Variants in WASF3 observed in about 807,000 individuals in gnomAD.
WASF3 encodes the protein WASP family member 3, also known as actin-binding protein WASF3.
A neutral mutation model predicts 46.6 loss-of-function variants in WASF3; 11 were observed. The ratio of observed to expected loss-of-function variants is 0.24; its 90% CI spans 0.15 to 0.39. The LOEUF (loss-of-function observed/expected upper bound fraction) is 0.39, where lower values mean the gene tolerates loss of function less well. WASF3 is among the 10% of genes least tolerant of loss of function. WASF3 has a pLI of 1.00. For synonymous variants in WASF3, 242 were observed against 259.7 expected (o/e 0.93, Z 0.65); for missense variants, 576 against 669.8 (o/e 0.86, Z 1.55).
At chr13:26,634,617 G>A (rs1019515045) in intron 2 of WASF3, among the ~76,000 whole-genome samples, 2 of 152,172 alleles carry the variant, frequency 1.3e-5, no homozygotes, top group African/African-American at 4.8e-5. Context: ...TTTTGCAGTG[G>A]CTGGTACCGG....
rs906430128 is a variant in WASF3, at chr13:26,635,920, A to G, written c.-10-6341A>G. Among the ~76,000 whole-genome samples, 6 of 152,226 alleles carry G rather than the reference A, an allele frequency of 3.9e-5. 1 individual carries two copies. The East Asian group carries it at 5.8e-4, about 15-fold the overall frequency. On this transcript the variant is annotated intron_variant, in intron 2 of 9. Transcript: ENST00000335327. ...GGGCATCCGCCTGTATGAGGTGTCT[A>G]TCAGCCCCTTCTGGGAGGTGTCTCC... is the stretch of plus-strand genomic sequence containing the variant.
chr13:26,638,463 A>G (rs1184958316), intron 2 of WASF3: 1 of 152,162 alleles, frequency 6.6e-6, no homozygotes, highest in Non-Finnish European at 1.5e-5. Context: ...ATTAGCAATC[A>G]TTGTTTTATT....
intron 7 of WASF3, among the ~76,000 whole-genome samples, chr13:26,680,552 A>G (rs533841170): frequency 4.9e-4 from 74 of 152,150 alleles, no homozygotes; most frequent in Non-Finnish European, 8.2e-4. Flanking sequence ...TGTTAAGTAC[A>G]TTTCTTCTGT....
Position 26,603,689 on chromosome 13 carries a change from T to C in WASF3, c.-108-9272T>C, listed in dbSNP as rs554466601. On this transcript the variant is annotated intron_variant, in intron 1 of 9. Transcript: ENST00000335327. ...TACTAAAAATATTTGTAAAAAACTT[T>C]AAAAAAGGGAAACCTCTTTTATACT... is the stretch of plus-strand genomic sequence containing the variant. 2.6e-5 allele frequency among the ~76,000 whole-genome samples: 4 copies of C among 152,196 alleles called. No homozygotes were observed. The East Asian group carries it at 7.7e-4, about 29-fold the overall frequency.
chr13:26,684,661 C>A (rs1034022607), intron 9 of WASF3, among the ~76,000 whole-genome samples: 1 of 152,122 alleles, frequency 6.6e-6, no homozygotes, highest in African/African-American at 2.4e-5. Flanking sequence ...AACACATGAA[C>A]TATTTTAGGG....
chr13:26,656,652 C>A (rs1014261577), intron 3 of WASF3, among the ~76,000 whole-genome samples: 1 of 151,844 alleles, frequency 6.6e-6, no homozygotes, highest in African/African-American at 2.4e-5. Flanking sequence ...AACAAAAATT[C>A]ATCGTCAATA....
At chr13:26,587,371 G>T (rs1880162715) in intron 1 of WASF3, among the ~76,000 whole-genome samples, 1 of 151,954 alleles carries the variant, frequency 6.6e-6, no homozygotes. Flanking sequence ...CTCTGAAAGG[G>T]CTACACAGTG....
intron 1 of WASF3, among the ~76,000 whole-genome samples, chr13:26,567,536 T>C (rs1353944361): frequency 6.6e-6 from 1 of 152,164 alleles, no homozygotes; most frequent in Non-Finnish European, 1.5e-5. Context: ...AGAGCTGATA[T>C]AGGGGTAAGT....
chr13:26,630,170 GTTTTT>G (rs957836124), intron 2 of WASF3, among the ~76,000 whole-genome samples: 12 of 151,866 alleles, frequency 7.9e-5, no homozygotes, highest in Non-Finnish European at 1.8e-4. Context: ...GTTTTGTTTT[GTTTTT>G]ATACTTAAAG....
At chr13:26,610,325 T>C (rs373143176) in intron 1 of WASF3, among the ~76,000 whole-genome samples, 27 of 152,340 alleles carry the variant, frequency 1.8e-4, no homozygotes, top group African/African-American at 5.5e-4. Context: ...ACCTTCTCCC[T>C]TGTGCTCTGT....
At chr13:26,643,295 A>G (rs1882054598) in intron 3 of WASF3, among the ~76,000 whole-genome samples, 1 of 152,134 alleles carries the variant, frequency 6.6e-6, no homozygotes, top group Non-Finnish European at 1.5e-5. Context: ...TAACTAGAAA[A>G]TCTTCCATGA....
chr13:26,662,039 G>C (rs772484797), intron 3 of WASF3, among the ~76,000 whole-genome samples: 1 of 152,228 alleles, frequency 6.6e-6, no homozygotes, highest in East Asian at 1.9e-4. Context: ...GTGTGAGGAA[G>C]TGGGAGAGTG....
At chr13:26,548,304 C>T in the WASF3 span, among the ~76,000 whole-genome samples, 1 of 152,158 alleles carries the variant, frequency 6.6e-6, no homozygotes, top group Non-Finnish European at 1.5e-5. Flanking sequence ...TTGAAATAAT[C>T]TCTGACATTT....
At chr13:26,548,792 T>C in the WASF3 span, among the ~76,000 whole-genome samples, 1 of 152,140 alleles carries the variant, frequency 6.6e-6, no homozygotes, top group Non-Finnish European at 1.5e-5. Flanking sequence ...TTTCCAGCCC[T>C]GCAGTGCCCT....
At chr13:26,558,667 A>G (rs1021448628) in intron 1 of WASF3, among the ~76,000 whole-genome samples, 5 of 152,178 alleles carry the variant, frequency 3.3e-5, no homozygotes, top group Admixed American at 1.3e-4. Flanking sequence ...AAACTATGTG[A>G]TGGGCTTAGG....
chr13:26,645,558 T>C (rs1464049806), intron 3 of WASF3, among the ~76,000 whole-genome samples: 1 of 152,106 alleles, frequency 6.6e-6, no homozygotes, highest in Non-Finnish European at 1.5e-5. Context: ...AGGTACATGA[T>C]TGTGATTATC....
At chr13:26,600,269 C>T (rs1019401158) in intron 1 of WASF3, among the ~76,000 whole-genome samples, 1 of 152,176 alleles carries the variant, frequency 6.6e-6, no homozygotes, top group Non-Finnish European at 1.5e-5. Flanking sequence ...TGGTTAAAAG[C>T]ATGGTCTCTG....
chr13:26,644,745 C>T (rs566854012), intron 3 of WASF3, among the ~76,000 whole-genome samples: 53 of 152,238 alleles, frequency 3.5e-4, no homozygotes, highest in African/African-American at 1.2e-3. Flanking sequence ...TAATGACCAC[C>T]GGTTAGGCAG....
intron 1 of WASF3, among the ~76,000 whole-genome samples, chr13:26,594,114 A>C (rs1283265037): frequency 6.6e-6 from 1 of 152,222 alleles, no homozygotes; most frequent in Non-Finnish European, 1.5e-5. Flanking sequence ...TACTTTTTAA[A>C]ATATAAATTT....
Sources: allele counts gnomAD v4.1 joint callset (sites outside exome capture counted in the v4.1 genomes callset), GRCh38; gene constraint gnomAD v4.1.1; transcripts MANE v1.5; gene names NCBI Gene and HGNC (gene_info 2026-07-23, HGNC 2026-07-21).